The following MYO1E variants were observed in gnomAD, a reference collection of about 807,000 sequenced individuals.
MYO1E encodes the protein unconventional myosin-Ie.
Under a neutral mutation model 151.1 loss-of-function variants are expected in MYO1E, and 68 were observed. The observed-to-expected ratio is 0.45, with a 90% CI of 0.37 to 0.55. The LOEUF is 0.55. MYO1E is among the 20% of genes least tolerant of loss of function. The pLI is 0.00. For synonymous variants in MYO1E, 601 were observed against 501.7 expected (o/e 1.20, Z -2.64); for missense variants, 1,363 against 1,389.3 (o/e 0.98, Z 0.30).
chr15:59,329,507 A>G (rs1423373539), intron 1 of MYO1E, among the ~76,000 whole-genome samples: 1 of 152,208 alleles, frequency 6.6e-6, no homozygotes, highest in East Asian at 1.9e-4. Flanking sequence ...GCCCCAAACC[A>G]AAAGAGATTT....
At chr15:59,287,958 C>G (rs1201234920) in intron 1 of MYO1E, among the ~76,000 whole-genome samples, 3 of 152,200 alleles carry the variant, frequency 2.0e-5, no homozygotes, top group Non-Finnish European at 2.9e-5. Context: ...GATAGTCATA[C>G]AAATACATGA....
chr15:59,281,057 C>T lies in MYO1E; in HGVS notation c.4-8608G>A, dbSNP rs368934878. ...AAGCTGCCCAAGAGAAGCCACCCAT[C>T]ACCAGACCACAGCTCGCAAAGCAAG... On this transcript the variant is annotated intron_variant, in intron 1 of 27. Coordinates refer to ENST00000288235, the MANE Select transcript of MYO1E (RefSeq NM_004998.4). Among the ~76,000 whole-genome samples the T allele has an allele frequency of 7.2e-5, 11 of 152,294 alleles. No homozygotes were observed. The East Asian group carries it at 1.2e-3, about 16-fold the overall frequency.
At chr15:59,211,973 T>C (rs187555133) in intron 12 of MYO1E, among the ~76,000 whole-genome samples, 6 of 152,154 alleles carry the variant, frequency 3.9e-5, no homozygotes, top group Admixed American at 3.9e-4. Flanking sequence ...AGAGTGACCC[T>C]TTCAAAAACA....
At chr15:59,193,262 T>G (rs1202910853) in intron 17 of MYO1E, among the ~76,000 whole-genome samples, 2 of 152,172 alleles carry the variant, frequency 1.3e-5, no homozygotes, top group African/African-American at 4.8e-5. Flanking sequence ...GGCTCAAGTA[T>G]GGGAACCAAT....
intron 1 of MYO1E, among the ~76,000 whole-genome samples, chr15:59,315,182 C>T (rs1267093382): frequency 1.3e-5 from 2 of 152,086 alleles, no homozygotes; most frequent in African/African-American, 4.8e-5. Flanking sequence ...TGTGAGGCAA[C>T]AGACCATGAT....
intron 22 of MYO1E, chr15:59,171,069 G>C (rs2079590365): frequency 6.4e-6 from 1 of 155,766 alleles, no homozygotes. Flanking sequence ...GGCTCAAGGA[G>C]GCCTTTCTTC....
Position 59,248,486 on chromosome 15 carries a change from C to CAAA in MYO1E, c.332+7795_332+7797dup, listed in dbSNP as rs71119447. Among the ~76,000 whole-genome samples, 354 of 56,640 alleles carry CAAA rather than the reference C, an allele frequency of 6.3e-3. 24 individuals carry two copies. Among genetic ancestry groups the CAAA allele is most frequent in the African/African-American group, 0.01 (135 of 13,166 alleles). 37.2% of individuals were successfully genotyped at this position (56,640 alleles called of 152,430 possible). ...TGAACGACAGGGTGAGACTCCATCT[C>CAAA]AAAAAAAAAAAAAAAAAAAAAAAAG... On this transcript the variant is annotated intron_variant, in intron 4 of 27. Coordinates refer to ENST00000288235, the MANE Select transcript of MYO1E (RefSeq NM_004998.4).
chr15:59,211,506 A>G (rs2079879055), intron 12 of MYO1E, among the ~76,000 whole-genome samples: 1 of 151,944 alleles, frequency 6.6e-6, no homozygotes. Flanking sequence ...CAGGCTAATG[A>G]CCCCTGAATT....
intron 4 of MYO1E, among the ~76,000 whole-genome samples, chr15:59,246,097 T>A (rs1206092271): frequency 6.6e-6 from 1 of 152,172 alleles, no homozygotes; most frequent in Non-Finnish European, 1.5e-5. Flanking sequence ...ATCATTCTTT[T>A]TTTAAATTTT....
At chr15:59,187,494 T>G (rs1314166904) in intron 18 of MYO1E, among the ~76,000 whole-genome samples, 1 of 152,218 alleles carries the variant, frequency 6.6e-6, no homozygotes, top group Non-Finnish European at 1.5e-5. Context: ...AAATGTGAAG[T>G]GGTGCAGCCA....
chr15:59,305,056 T>C (rs2080506542), intron 1 of MYO1E, among the ~76,000 whole-genome samples: 1 of 152,246 alleles, frequency 6.6e-6, no homozygotes, highest in Admixed American at 6.5e-5. Context: ...CGAGCAACAC[T>C]GTGAACGAGT....
At chr15:59,335,062 T>C (rs1403189768) in intron 1 of MYO1E, among the ~76,000 whole-genome samples, 1 of 152,160 alleles carries the variant, frequency 6.6e-6, no homozygotes, top group Admixed American at 6.6e-5. Context: ...AAAGATTGTC[T>C]CAAAGAGAAC....
intron 1 of MYO1E, among the ~76,000 whole-genome samples, chr15:59,325,323 C>T (rs1380391835): frequency 6.6e-6 from 1 of 152,188 alleles, no homozygotes; most frequent in Non-Finnish European, 1.5e-5. Flanking sequence ...GTGTGAGCCA[C>T]AGTGCCCGGC....
In MYO1E at chr15:59,209,813, ACCTTTTT is replaced by A. The variant is rs1296048208; in HGVS notation, c.1362+694_1362+700del. Among the ~76,000 whole-genome samples, 574 of 71,172 alleles carry A rather than the reference ACCTTTTT, an allele frequency of 8.1e-3. 39 individuals are homozygous for A. The highest frequency in any genetic ancestry group is 0.026 in the African/African-American group (547 of 20,680). The allele number at this position is 71,172 out of a possible 152,430, so 46.7% of individuals were successfully genotyped here. ...TTCTGTATCACTTTTATTTTGAATC[ACCTTTTT>A]TTTTTTTTTTTTTTTTTTTTTTTTT... On this transcript the variant is annotated intron_variant, in intron 13 of 27. Transcript: ENST00000288235.
chr15:59,186,197 T>C (rs1342272985), intron 18 of MYO1E, among the ~76,000 whole-genome samples: 2 of 152,210 alleles, frequency 1.3e-5, no homozygotes, highest in Non-Finnish European at 1.5e-5. Context: ...TCCACGGTTA[T>C]TAGGAAACTC....
At chr15:59,252,184 CCCTAGCTTTGTACTTTTAA>C in intron 4 of MYO1E, among the ~76,000 whole-genome samples, 1 of 152,186 alleles carries the variant, frequency 6.6e-6, no homozygotes, top group Non-Finnish European at 1.5e-5. Flanking sequence ...AGCTCATATT[CCCTAGCTTTGTACTTTTAA>C]AGAACTATAG....
At chr15:59,321,884 A>G (rs1172818700) in intron 1 of MYO1E, among the ~76,000 whole-genome samples, 2 of 151,940 alleles carry the variant, frequency 1.3e-5, no homozygotes, top group African/African-American at 4.8e-5. Context: ...AAAAGAAAAG[A>G]AAAACTGGCA....
In MYO1E at chr15:59,205,422, C is replaced by T. The variant is rs2079827138; in HGVS notation, c.1594G>A (p.Glu532Lys). The T allele has an allele frequency of 9.9e-6, 16 of 1,614,052 alleles. No individual in the cohort carries two copies. Among genetic ancestry groups the T allele is most frequent in the South Asian group, 3.3e-5 (3 of 91,076 alleles). ...TACAGCTCGCTGCTCTGCATAAGCTCGATGAGATCCATAAAAAGCACATCC... is the reference window on the plus strand; with the variant it reads ...TACAGCTCGCTGCTCTGCATAAGCTTGATGAGATCCATAAAAAGCACATCC... ...NRDVLFMDLI[E>K]LMQSSELPFI... Residue 532 changes from glutamate to lysine, a missense_variant, in exon 15 of 28, where the codon GAG (glutamate) becomes AAG (lysine). Transcript: ENST00000288235.
intron 5 of MYO1E, among the ~76,000 whole-genome samples, chr15:59,235,447 T>G (rs1433275192): frequency 6.6e-6 from 1 of 152,216 alleles, no homozygotes; most frequent in Non-Finnish European, 1.5e-5. Context: ...GTTCTGAACC[T>G]TGTCTTTTGT....
Sources: gnomAD v4.1 joint callset for allele counts (sites outside exome capture counted in the v4.1 genomes callset) on GRCh38, gnomAD v4.1.1 for gene constraint, MANE v1.5 for transcripts, NCBI Gene and HGNC (gene_info 2026-07-23, HGNC 2026-07-21) for gene names.